The following CALCRL variants were observed in gnomAD, a reference collection of about 807,000 sequenced individuals.
The protein encoded by CALCRL is calcitonin gene-related peptide type 1 receptor.
A neutral mutation model predicts 60.4 loss-of-function variants in CALCRL; 27 were observed. The ratio of observed to expected loss-of-function variants is 0.45; its 90% confidence interval spans 0.33 to 0.62. CALCRL has a LOEUF of 0.62. Among genes scored for constraint, CALCRL ranks in the 20% least tolerant of loss-of-function variants. The pLI, the probability that CALCRL is intolerant of heterozygous loss-of-function variation, is 0.03. For synonymous variants in CALCRL, 190 were observed against 182.6 expected (o/e 1.04, Z -0.33); for missense variants, 424 against 540.7 (o/e 0.78, Z 2.14).
At chr2:187,420,453 AT>A (rs747319240) in intron 1 of CALCRL, among the ~76,000 whole-genome samples, 6 of 151,006 alleles carry the variant, frequency 4.0e-5, no homozygotes, top group African/African-American at 4.9e-5. Flanking sequence ...TTCTTCTTTG[AT>A]TTTTTTTTCA....
rs560627879 is a variant in CALCRL, at chr2:187,440,060, A to G, written c.-293+7979T>C. 1.9e-3 allele frequency among the ~76,000 whole-genome samples: 282 copies of G among 152,260 alleles called. 1 individual carries two copies. Among genetic ancestry groups the G allele is most frequent in the African/African-American group, 6.6e-3 (275 of 41,572 alleles). On this transcript the variant is annotated intron_variant, in intron 1 of 14. Coordinates refer to ENST00000392370, the MANE Select transcript of CALCRL (RefSeq NM_005795.6). Reference sequence around the variant, plus strand: ...TCCCTCATACTATTATTATATTACTATTATAATCTTATATCAATAAAATTA... The same window carrying G: ...TCCCTCATACTATTATTATATTACTGTTATAATCTTATATCAATAAAATTA...
In CALCRL at chr2:187,346,172, A is replaced by G. The variant is rs376392998; in HGVS notation, c.*12T>C. 2.3e-5 allele frequency: 35 copies of G among 1,520,312 alleles called. No homozygotes were observed. Among genetic ancestry groups the G allele is most frequent in the Non-Finnish European group, 3.0e-5 (33 of 1,104,988 alleles). 94.2% of individuals were successfully genotyped at this position (1,520,312 alleles called of 1,614,324 possible). ...AGAAGCACAAAACAGTGAGACAACC[A>G]TCCTTCTATTTTCAATTATATAAAT... On this transcript the variant is annotated 3_prime_UTR_variant, in exon 15 of 15. Transcript: ENST00000392370.
At position 187,445,525 on chromosome 2, in the gene CALCRL, A is replaced by G. The variant is rs752236002; in HGVS notation, c.-293+2514T>C. 2.0e-4 allele frequency among the ~76,000 whole-genome samples: 30 copies of G among 151,482 alleles called. 1 individual carries two copies. Among genetic ancestry groups the G allele is most frequent in the Non-Finnish European group, 3.8e-4 (26 of 67,552 alleles). ...ATCTTTTAAAATTAAGTTACTATCAAACTTTTGCCATGTAGATAAAATTGG... is the reference window on the plus strand; with the variant it reads ...ATCTTTTAAAATTAAGTTACTATCAGACTTTTGCCATGTAGATAAAATTGG... On this transcript the variant is annotated intron_variant, in intron 1 of 14. Coordinates refer to ENST00000392370, the MANE Select transcript of CALCRL (RefSeq NM_005795.6).
Position 187,380,707 on chromosome 2 carries a change from G to A in CALCRL, c.265C>T (p.Pro89Ser), listed in dbSNP as rs759762165. The change falls in exon 6 of 15, where the codon CCT (proline) becomes TCT (serine). Residue 89 changes from proline to serine, a missense_variant. This residue lies in a region of CALCRL where 108 missense variants were observed against 132.9 expected (regional missense o/e 0.81). Coordinates refer to ENST00000392370, the MANE Select transcript of CALCRL (RefSeq NM_005795.6). ...GGATCAAAGTCCTGAAAGTAATCAG[G>A]GCAGAGCTGCATTGATTCAGTTCCT... ...AAGTESMQLC[P>S]DYFQDFDPSE... 1 of 1,613,836 alleles carries A rather than the reference G, an allele frequency of 6.2e-7. No individual in the cohort carries two copies. Among genetic ancestry groups the A allele is most frequent in the Non-Finnish European group, 8.5e-7 (1 of 1,179,846 alleles).
chr2:187,372,418 C>T (rs1378418729), intron 8 of CALCRL, among the ~76,000 whole-genome samples: 1 of 151,742 alleles, frequency 6.6e-6, no homozygotes, highest in Non-Finnish European at 1.5e-5. Flanking sequence ...AAAGTTACGT[C>T]TCTTTCTCTT....
chr2:187,374,513 TTTTACCCATCA>T (rs1687662898), intron 8 of CALCRL, among the ~76,000 whole-genome samples: 1 of 152,134 alleles, frequency 6.6e-6, no homozygotes, highest in Non-Finnish European at 1.5e-5. Flanking sequence ...TCTGTTGAAG[TTTTACCCATCA>T]TTGAAGTGTT....
chr2:187,445,631 T>A (rs768075777), intron 1 of CALCRL, among the ~76,000 whole-genome samples: 19 of 151,576 alleles, frequency 1.3e-4, no homozygotes, highest in Non-Finnish European at 2.2e-4. Flanking sequence ...ATTCAGTTAG[T>A]GTTTATGTGT....
chr2:187,419,370 G>A (rs756151760), intron 1 of CALCRL, among the ~76,000 whole-genome samples: 35 of 152,266 alleles, frequency 2.3e-4, no homozygotes, highest in Non-Finnish European at 4.1e-4. Flanking sequence ...ACCCCTGTGA[G>A]GATGCAATAA....
At chr2:187,381,019 A>T (rs1687964925) in intron 5 of CALCRL, among the ~76,000 whole-genome samples, 1 of 152,156 alleles carries the variant, frequency 6.6e-6, no homozygotes, top group African/African-American at 2.4e-5. Context: ...TATAAAGTTT[A>T]GATTTAATTT....
intron 1 of CALCRL, among the ~76,000 whole-genome samples, chr2:187,390,901 A>AAT (rs1688412336): frequency 6.6e-6 from 1 of 152,148 alleles, no homozygotes; most frequent in African/African-American, 2.4e-5. Flanking sequence ...GCAATGACCA[A>AAT]ATCATTTGGT....
intron 1 of CALCRL, among the ~76,000 whole-genome samples, chr2:187,420,515 T>A (rs1689822884): frequency 6.6e-6 from 1 of 152,130 alleles, no homozygotes; most frequent in Admixed American, 6.5e-5. Context: ...TAAAACCAGT[T>A]ATAAATTCTT....
chr2:187,355,440 A>G (rs564495710), intron 12 of CALCRL, among the ~76,000 whole-genome samples: 2 of 152,264 alleles, frequency 1.3e-5, no homozygotes, highest in East Asian at 3.9e-4. Flanking sequence ...AAATGTTATG[A>G]AAGTCATAAT....
intron 1 of CALCRL, among the ~76,000 whole-genome samples, chr2:187,392,786 C>T (rs1688503257): frequency 6.6e-6 from 1 of 152,010 alleles, no homozygotes; most frequent in Non-Finnish European, 1.5e-5. Context: ...TCACTGGTGC[C>T]TTGAACTCCT....
intron 8 of CALCRL, among the ~76,000 whole-genome samples, chr2:187,366,918 CCCCACACACACACACACACACACA>C: frequency 1.2e-5 from 1 of 84,604 alleles, no homozygotes; most frequent in South Asian, 3.8e-4. Flanking sequence ...GTGAGTATAA[CCCCACACACACACACACACACACA>C]CACACACACA....
At chr2:187,403,816 G>T (rs1688998846) in intron 1 of CALCRL, among the ~76,000 whole-genome samples, 1 of 151,738 alleles carries the variant, frequency 6.6e-6, no homozygotes. Flanking sequence ...ACCAAACGCA[G>T]CTTATTTTTA....
intron 10 of CALCRL, among the ~76,000 whole-genome samples, 174 bp downstream of exon 10, chr2:187,360,424 A>T (rs1482833115): frequency 1.3e-5 from 2 of 152,120 alleles, no homozygotes; most frequent in African/African-American, 4.8e-5. Context: ...ACAATGGATG[A>T]GTCAGTGATA....
At chr2:187,418,851 C>CTTTTTTTTTTTTTTTTTTTTTT (rs948516151) in intron 1 of CALCRL, among the ~76,000 whole-genome samples, 1 of 135,812 alleles carries the variant, frequency 7.4e-6, no homozygotes. Context: ...GTTTTTTTTT[C>CTTTTTTTTTTTTTTTTTTTTTT]TTTTTTTCTT....
At chr2:187,383,914 A>G (rs1204396442) in intron 4 of CALCRL, among the ~76,000 whole-genome samples, 2 of 152,216 alleles carry the variant, frequency 1.3e-5, no homozygotes, top group African/African-American at 2.4e-5. Flanking sequence ...TTCTTCCAAT[A>G]TAGTAGCACT....
At chr2:187,400,514 G>A (rs887689253) in intron 1 of CALCRL, among the ~76,000 whole-genome samples, 5 of 151,288 alleles carry the variant, frequency 3.3e-5, no homozygotes, top group African/African-American at 1.2e-4. Flanking sequence ...ATATGACCCA[G>A]CAATTCCACT....
Sources: gnomAD v4.1 joint callset for allele counts (sites outside exome capture counted in the v4.1 genomes callset) on GRCh38, gnomAD v4.1.1 for gene constraint, gnomAD v4.1.1 regional missense constraint, MANE v1.5 for transcripts, NCBI Gene and HGNC (gene_info 2026-07-23, HGNC 2026-07-21) for gene names.